Variants in PACS1 observed in about 807,000 individuals in gnomAD.
PACS1 encodes the protein PACS-1.
A neutral mutation model predicts 115.0 loss-of-function variants in PACS1; 24 were observed. That is an observed-to-expected ratio of 0.21 (90% CI 0.15 to 0.29). The LOEUF is 0.29. PACS1 is among the 10% of genes least tolerant of loss of function. PACS1 has a pLI of 1.00. For synonymous variants in PACS1, 453 were observed against 504.5 expected, an observed-to-expected ratio of 0.90 and a Z score of 1.37; for missense variants, 838 against 1,251.2, an observed-to-expected ratio of 0.67 and a Z score of 4.98.
intron 4 of PACS1, among the ~76,000 whole-genome samples, chr11:66,211,538 G>A (rs1420310777): frequency 6.6e-6 from 1 of 152,158 alleles, no homozygotes; most frequent in Non-Finnish European, 1.5e-5. Flanking sequence ...AGTACAAAGA[G>A]TTCCCATATG....
chr11:66,232,988 G>A lies in PACS1; in HGVS notation c.1760G>A (p.Arg587Gln), dbSNP rs201700614. The A allele has an allele frequency of 9.1e-5, 147 of 1,612,856 alleles. No individual in the cohort carries two copies. Among genetic ancestry groups the A allele is most frequent in the Non-Finnish European group, 1.1e-4 (134 of 1,179,950 alleles). Residue 587 changes from arginine (R) to glutamine (Q), a missense_variant, in exon 15 of 24, where the codon CGG (arginine) becomes CAG (glutamine). Physicochemically the swap from Arg to Gln is conservative, Grantham distance 43 (BLOSUM62 1). This residue lies in a region of PACS1 where 383 missense variants were observed against 537.0 expected (regional missense o/e 0.71). Coordinates refer to ENST00000320580, the MANE Select transcript of PACS1 (RefSeq NM_018026.4). ...QYVAELLQDQ[R>Q]KPVVCTCSTV... ...GTGGCTGAGCTGCTCCAGGACCAGC[G>A]GAAGCCTGTGGTGTGCACCTGCTCC...
chr11:66,178,894 T>A (rs1859938503), intron 1 of PACS1, among the ~76,000 whole-genome samples: 1 of 152,156 alleles, frequency 6.6e-6, no homozygotes, highest in Non-Finnish European at 1.5e-5. Flanking sequence ...ACCTTGCACA[T>A]CTTCTGAAAG....
intron 10 of PACS1, among the ~76,000 whole-genome samples, chr11:66,222,658 A>T (rs1375709943): frequency 1.3e-5 from 2 of 152,204 alleles, no homozygotes; most frequent in Non-Finnish European, 2.9e-5. Context: ...TTACTGGCAG[A>T]TGAAGCCTAC....
chr11:66,106,334 G>T (rs1310384711), intron 1 of PACS1, among the ~76,000 whole-genome samples: 1 of 152,230 alleles, frequency 6.6e-6, no homozygotes, highest in Non-Finnish European at 1.5e-5. Flanking sequence ...CACTTTGGGA[G>T]GCTGAGGTGG....
rs1258460272 is a variant in PACS1 at position 66,167,125 on chromosome 11, G to A, written c.357-26361G>A. 2.0e-5 allele frequency among the ~76,000 whole-genome samples: 3 copies of A among 150,108 alleles called. No homozygotes were observed. The East Asian group carries it at 5.8e-4, about 29-fold the overall frequency. On this transcript the variant is annotated intron_variant, in intron 1 of 23. Transcript: ENST00000320580. ...TAAAATGGTATTTTGATTTCAATTT[G>A]CATTTCCCCGATTCCTAATGATTTG...
chr11:66,132,207 A>C (rs974498651), intron 1 of PACS1, among the ~76,000 whole-genome samples: 1 of 152,040 alleles, frequency 6.6e-6, no homozygotes, highest in Non-Finnish European at 1.5e-5. Flanking sequence ...ATGAATTCTC[A>C]CAAGATCTGA....
At chr11:66,082,606 A>G (rs1336692803) in intron 1 of PACS1, among the ~76,000 whole-genome samples, 1 of 152,228 alleles carries the variant, frequency 6.6e-6, no homozygotes, top group African/African-American at 2.4e-5. Flanking sequence ...TCACGCCTGT[A>G]ATCCCAGCAC....
intron 1 of PACS1, among the ~76,000 whole-genome samples, chr11:66,093,869 A>T (rs1401628195): frequency 6.6e-6 from 1 of 152,358 alleles, no homozygotes; most frequent in Non-Finnish European, 1.5e-5. Flanking sequence ...TTGCAATCAA[A>T]CTAGAACTCA....
chr11:66,109,075 T>C (rs1858124859), intron 1 of PACS1, among the ~76,000 whole-genome samples: 1 of 152,204 alleles, frequency 6.6e-6, no homozygotes, highest in Non-Finnish European at 1.5e-5. Context: ...AGGTGCAATA[T>C]CTCACACAGA....
chr11:66,172,856 G>T (rs1590795870), intron 1 of PACS1, among the ~76,000 whole-genome samples: 1 of 151,644 alleles, frequency 6.6e-6, no homozygotes, highest in Non-Finnish European at 1.5e-5. Context: ...CGTGCCTGTA[G>T]TCCCAGCTAC....
At chr11:66,194,294 G>A (rs1854599521) in intron 2 of PACS1, among the ~76,000 whole-genome samples, 1 of 152,160 alleles carries the variant, frequency 6.6e-6, no homozygotes, top group African/African-American at 2.4e-5. Context: ...TAGGGTGGAA[G>A]AAACTTACAG....
At chr11:66,218,880 A>G (rs1322436489) in intron 7 of PACS1, among the ~76,000 whole-genome samples, 1 of 150,542 alleles carries the variant, frequency 6.6e-6, no homozygotes, top group African/African-American at 2.4e-5. Flanking sequence ...AAAAAGGCCC[A>G]GTACAACAGC....
At chr11:66,132,570 T>C (rs1408862676) in intron 1 of PACS1, among the ~76,000 whole-genome samples, 2 of 152,170 alleles carry the variant, frequency 1.3e-5, no homozygotes, top group Non-Finnish European at 2.9e-5. Context: ...CTATGTAAAT[T>C]GTTGTTATAC....
chr11:66,078,001 C>A (rs889449039), intron 1 of PACS1, among the ~76,000 whole-genome samples: 1 of 152,114 alleles, frequency 6.6e-6, no homozygotes. Flanking sequence ...CATGCCTGGC[C>A]AACTGTAAGG....
chr11:66,098,185 TA>T (rs775321336), intron 1 of PACS1, among the ~76,000 whole-genome samples: 2 of 151,994 alleles, frequency 1.3e-5, no homozygotes, highest in African/African-American at 2.4e-5. Flanking sequence ...TCAAAAATAA[TA>T]AAAATAATAA....
chr11:66,231,850 C>A, intron 13 of PACS1: 1 of 285,746 alleles, frequency 3.5e-6, no homozygotes, highest in South Asian at 4.6e-5. Flanking sequence ...GGTTCTTACG[C>A]TGCTGCCCCT....
At chr11:66,082,753 G>A (rs1857507783) in intron 1 of PACS1, among the ~76,000 whole-genome samples, 1 of 152,156 alleles carries the variant, frequency 6.6e-6, no homozygotes, top group Non-Finnish European at 1.5e-5. Flanking sequence ...TACTTGGGAG[G>A]CTGAGACAGG....
rs781378280 is a variant in PACS1 at position 66,235,288 on chromosome 11, G to C, written c.2105-13G>C. The C allele has an allele frequency of 3.7e-6, 6 of 1,609,116 alleles. No individual in the cohort carries two copies. Among genetic ancestry groups the C allele is most frequent in the Non-Finnish European group, 4.3e-6 (5 of 1,175,700 alleles). On this transcript the variant is annotated splice_polypyrimidine_tract_variant and intron_variant, in intron 17 of 23. Transcript: ENST00000320580. This position sits in a 1 kb window ranked among gnomAD's most constrained non-coding sequence, Gnocchi z 5.6. Reference sequence around the variant, plus strand: ...GTCAGTAGGCAGTTAGTGATCTCTTGGCTTTTCTGCAGAGCAACTGGACGT... The same window carrying C: ...GTCAGTAGGCAGTTAGTGATCTCTTCGCTTTTCTGCAGAGCAACTGGACGT...
In PACS1 at chr11:66,089,631, A is replaced by G. The variant is rs569614259; in HGVS notation, c.356+18789A>G. Among the ~76,000 whole-genome samples, 6 of 152,260 alleles carry G rather than the reference A, an allele frequency of 3.9e-5. No homozygotes were observed. In the South Asian group the frequency reaches 1.2e-3, roughly 32 times the overall value. ...CTCGAAATAGAAATAAGTAAATATA[A>G]CTATCTAGCTGACTACTCAGAGTTC... On this transcript the variant is annotated intron_variant, in intron 1 of 23. Coordinates refer to ENST00000320580, the MANE Select transcript of PACS1 (RefSeq NM_018026.4).
Sources: gnomAD v4.1 joint callset for allele counts (sites outside exome capture counted in the v4.1 genomes callset) on GRCh38, gnomAD v4.1.1 for gene constraint, gnomAD v4.1.1 regional missense constraint, Gnocchi (gnomAD v3.1) non-coding constraint, MANE v1.5 for transcripts, NCBI Gene and HGNC (gene_info 2026-07-23, HGNC 2026-07-21) for gene names.